HLA-DQB2: variants seen among roughly 807,000 people sequenced by gnomAD.
HLA-DQB2 encodes major histocompatibility complex, class II, DQ beta 2, also known as HLA class II histocompatibility antigen, DQ beta 2 chain.
Under a neutral mutation model 29.2 loss-of-function variants are expected in HLA-DQB2, and 24 were observed. The ratio of observed to expected loss-of-function variants is 0.82; its 90% CI spans 0.60 to 1.16. The LOEUF (loss-of-function observed/expected upper bound fraction) is 1.16, where lower values mean the gene tolerates loss of function less well. HLA-DQB2 is among the 50% of genes most tolerant of loss of function. The pLI is 0.00. For synonymous variants in HLA-DQB2, 104 were observed against 133.1 expected (o/e 0.78, Z 1.51); for missense variants, 273 against 343.6 (o/e 0.79, Z 1.62).
Position 32,756,178 on chromosome 6 carries a change from G to T in HLA-DQB2, c.*275C>A. 1 of 499,702 alleles carries T rather than the reference G, an allele frequency of 2.0e-6. No individual in the cohort carries two copies. Among genetic ancestry groups the T allele is most frequent in the Non-Finnish European group, 3.5e-6 (1 of 283,090 alleles). 31.0% of individuals were successfully genotyped at this position (499,702 alleles called of 1,614,324 possible). A position where few individuals can be genotyped will look rare whatever the true frequency, so the allele number is the denominator to read the frequency against. ...TTGTTTGTCATGCTTCTCTTGACAG[G>T]TCTGTGGGGGGAGAATGGAAACAGA... On this transcript the variant is annotated 3_prime_UTR_variant, in exon 6 of 6. Coordinates refer to ENST00000437316, the MANE Select transcript of HLA-DQB2 (RefSeq NM_001300790.2).
chr6:32,760,526 T>C (rs1431022130), intron 2 of HLA-DQB2, among the ~76,000 whole-genome samples: 2 of 152,218 alleles, frequency 1.3e-5, no homozygotes, highest in African/African-American at 2.4e-5. Flanking sequence ...ATAACTTAGA[T>C]GGTGTTTGCT....
chr6:32,762,073 G>T, intron 1 of HLA-DQB2, 147 bp from the exon 2 acceptor site: 1 of 1,124,532 alleles, frequency 8.9e-7, no homozygotes, highest in Non-Finnish European at 1.2e-6. Flanking sequence ...CTGGGCCCGT[G>T]CCTCGTGCTC....
chr6:32,757,243 T>C, intron 5 of HLA-DQB2, 38 bp downstream of exon 5: 4 of 1,550,352 alleles, frequency 2.6e-6, no homozygotes, highest in Non-Finnish European at 3.5e-6. Context: ...CTTATGCCTG[T>C]GCCCTCTCCC....
chr6:32,757,142 C>A, intron 5 of HLA-DQB2, 139 bp downstream of exon 5: 2 of 1,483,626 alleles, frequency 1.3e-6, no homozygotes, highest in Non-Finnish European at 1.8e-6. Flanking sequence ...GCCTCAACCT[C>A]CCAAGTAGCC....
intron 2 of HLA-DQB2, 129 bp downstream of exon 2, chr6:32,761,531 C>G (rs1764807578): frequency 5.5e-6 from 6 of 1,083,736 alleles, no homozygotes; most frequent in Non-Finnish European, 7.7e-6. Flanking sequence ...TCCAAATCCC[C>G]GCCACCTTCC....
At chr6:32,757,185 A>C in intron 5 of HLA-DQB2, 96 bp downstream of exon 5, 1 of 1,532,112 alleles carries the variant, frequency 6.5e-7, no homozygotes, top group Non-Finnish European at 8.8e-7. Context: ...ACGTCCAGCT[A>C]ATTTTTGTAT....
At chr6:32,759,246 A>C in intron 2 of HLA-DQB2, 115 bp from the exon 3 acceptor site, 1 of 1,303,314 alleles carries the variant, frequency 7.7e-7, no homozygotes, top group Non-Finnish European at 1.0e-6. Context: ...CCTGGAGTCC[A>C]AGTCTTGGAT....
chr6:32,761,280 G>C (rs925351313), intron 2 of HLA-DQB2, among the ~76,000 whole-genome samples: 1 of 151,584 alleles, frequency 6.6e-6, no homozygotes, highest in Non-Finnish European at 1.5e-5. Flanking sequence ...TAGTGGGGCG[G>C]ACGGGCAGGG....
intron 2 of HLA-DQB2, 142 bp downstream of exon 2, chr6:32,761,518 G>A: frequency 2.2e-6 from 2 of 913,722 alleles, no homozygotes; most frequent in South Asian, 3.5e-5. Flanking sequence ...TACTACCCCA[G>A]CCTCCAAATC....
chr6:32,758,127 T>C (rs536094980), intron 3 of HLA-DQB2, among the ~76,000 whole-genome samples: 2 of 152,268 alleles, frequency 1.3e-5, no homozygotes, highest in South Asian at 4.1e-4. Flanking sequence ...TAAGTCAGTC[T>C]CTCATAGCTG....
chr6:32,763,531 A>C lies in HLA-DQB2; in HGVS notation c.-61T>G. 1 of 1,033,294 alleles carries C rather than the reference A, an allele frequency of 9.7e-7. No individual in the cohort carries two copies. Among genetic ancestry groups the C allele is most frequent in the Non-Finnish European group, 1.5e-6 (1 of 674,990 alleles). The allele number at this position is 1,033,294 out of a possible 1,614,324, so 64.0% of individuals were successfully genotyped here. A position where few individuals can be genotyped will look rare whatever the true frequency, so the allele number is the denominator to read the frequency against. ...TGGTAGTCAACACAGCTCAAACCTA[A>C]TGGATCTTATGTACCTGCCGGAAAG... On this transcript the variant is annotated 5_prime_UTR_variant, in exon 1 of 6. Transcript: ENST00000437316.
At chr6:32,758,827 A>G in intron 3 of HLA-DQB2, 23 bp downstream of exon 3, 1 of 1,604,302 alleles carries the variant, frequency 6.2e-7, no homozygotes, top group Non-Finnish European at 8.5e-7. Context: ...GCCCACAGTA[A>G]AAGGAAACCA....
At chr6:32,758,736 G>T in intron 3 of HLA-DQB2, 114 bp downstream of exon 3, 2 of 1,265,090 alleles carry the variant, frequency 1.6e-6, no homozygotes, top group Non-Finnish European at 2.2e-6. Flanking sequence ...AGTCTCCTGT[G>T]ATTCCCAGCT....
rs1438481862 is a variant in HLA-DQB2, at chr6:32,756,156, T to C, written c.*297A>G. The C allele has an allele frequency of 6.7e-6, 3 of 451,028 alleles. No homozygotes were observed. The highest frequency in any genetic ancestry group is 1.2e-5 in the Non-Finnish European group (3 of 255,618). The allele number at this position is 451,028 out of a possible 1,614,324, so 27.9% of individuals were successfully genotyped here. On this transcript the variant is annotated 3_prime_UTR_variant, in exon 6 of 6. Coordinates refer to ENST00000437316, the MANE Select transcript of HLA-DQB2 (RefSeq NM_001300790.2). ...CACTAAAGTCAGGTAAATGATTTTG[T>C]TTGTCATGCTTCTCTTGACAGGTCT...
chr6:32,762,556 GA>G (rs1302093547), intron 1 of HLA-DQB2, among the ~76,000 whole-genome samples: 2 of 134,444 alleles, frequency 1.5e-5, no homozygotes, highest in Non-Finnish European at 3.3e-5. Context: ...TTCATGGAAA[GA>G]GCCCAAGCTT....
intron 3 of HLA-DQB2, 92 bp downstream of exon 3, chr6:32,758,758 T>C (rs976872019): frequency 6.9e-7 from 1 of 1,449,996 alleles, no homozygotes; most frequent in Non-Finnish European, 9.4e-7. Flanking sequence ...AGTAGTGATG[T>C]CAGGGACAAG....
intron 3 of HLA-DQB2, 30 bp downstream of exon 3, chr6:32,758,820 C>G (rs1186878101): frequency 3.1e-6 from 5 of 1,597,928 alleles, no homozygotes; most frequent in Non-Finnish European, 4.3e-6. Flanking sequence ...TTGTGGGGCC[C>G]ACAGTAAAAG....
chr6:32,759,191 C>G (rs985801529), intron 2 of HLA-DQB2, 60 bp from the exon 3 acceptor site: 17 of 1,501,728 alleles, frequency 1.1e-5, no homozygotes, highest in Non-Finnish European at 1.4e-5. Context: ...ACACAGCACG[C>G]CTGCTGTGAG....
At chr6:32,761,636 C>T (rs1427778633) in intron 2 of HLA-DQB2, 24 bp downstream of exon 2, 3 of 1,534,986 alleles carry the variant, frequency 2.0e-6, no homozygotes, top group African/African-American at 2.7e-5. Flanking sequence ...AGGGTGAGCC[C>T]CGCGGAAGGA....
Sources: allele counts gnomAD v4.1 joint callset (sites outside exome capture counted in the v4.1 genomes callset), GRCh38; gene constraint gnomAD v4.1.1; transcripts MANE v1.5; gene names NCBI Gene and HGNC (gene_info 2026-07-23, HGNC 2026-07-21).